The following ANKRD30BL variants were observed in gnomAD, a reference collection of about 807,000 sequenced individuals.
The protein encoded by ANKRD30BL is putative ankyrin repeat domain-containing protein 30B-like.
In ANKRD30BL, 20 loss-of-function variants were observed where a neutral mutation model predicts 18.4. The observed-to-expected ratio is 1.09, with a 90% CI of 0.77 to 1.58. ANKRD30BL has a LOEUF of 1.58. Among genes scored for constraint, ANKRD30BL ranks in the 40% most tolerant of loss-of-function variants. The pLI is 0.00. For synonymous variants in ANKRD30BL, 72 were observed against 100.9 expected, an observed-to-expected ratio of 0.71 and a Z score of 1.72; for missense variants, 224 against 268.6, an observed-to-expected ratio of 0.83 and a Z score of 1.16.
At chr2:132,200,013 C>T (rs957677935) in intron 1 of ANKRD30BL, among the ~76,000 whole-genome samples, 2 of 152,146 alleles carry the variant, frequency 1.3e-5, no homozygotes, top group African/African-American at 4.8e-5. Context: ...TCAATATACG[C>T]AAATCAATAA....
intron 1 of ANKRD30BL, among the ~76,000 whole-genome samples, chr2:132,227,412 C>G (rs1679876137): frequency 6.6e-6 from 1 of 152,054 alleles, no homozygotes. Flanking sequence ...TTCTCAGAAA[C>G]TTCTTTTTGA....
Position 132,206,320 on chromosome 2 carries a change from T to C in ANKRD30BL, n.442-49174A>G, listed in dbSNP as rs527845456. On this transcript the variant is annotated intron_variant and non_coding_transcript_variant, in intron 1 of 4. Transcript: ENST00000470729. Reference sequence around the variant, plus strand: ...ACACCACTGGATTTCAACTTTTGAGTGCTTAAGAAGGTGGAGATGTTGATT... The same window carrying C: ...ACACCACTGGATTTCAACTTTTGAGCGCTTAAGAAGGTGGAGATGTTGATT... 5.9e-5 allele frequency among the ~76,000 whole-genome samples: 9 copies of C among 152,234 alleles called. No individual in the cohort carries two copies. The South Asian group carries it at 1.9e-3, about 32-fold the overall frequency.
intron 1 of ANKRD30BL, among the ~76,000 whole-genome samples, chr2:132,207,509 C>T (rs554764356): frequency 6.6e-6 from 1 of 152,204 alleles, no homozygotes; most frequent in South Asian, 2.1e-4. Flanking sequence ...ACCATAAGGT[C>T]CTCCACGTGA....
intron 1 of ANKRD30BL, among the ~76,000 whole-genome samples, chr2:132,194,479 T>G (rs1678924725): frequency 6.6e-6 from 1 of 152,174 alleles, no homozygotes; most frequent in Admixed American, 6.5e-5. Flanking sequence ...ACATGGGGAT[T>G]GTATGTGAGG....
intron 1 of ANKRD30BL, among the ~76,000 whole-genome samples, chr2:132,234,377 A>C (rs1265883638): frequency 1.3e-5 from 2 of 152,122 alleles, no homozygotes; most frequent in South Asian, 2.1e-4. Context: ...AAAACCCTTC[A>C]AAAAATTAAT....
chr2:132,207,635 A>G (rs1295544380), intron 1 of ANKRD30BL, among the ~76,000 whole-genome samples: 2 of 152,158 alleles, frequency 1.3e-5, no homozygotes, highest in African/African-American at 4.8e-5. Context: ...ACATGATAGA[A>G]ATAGACTTTC....
At chr2:132,167,071 T>A (rs1573811501) in intron 1 of ANKRD30BL, among the ~76,000 whole-genome samples, 3 of 151,020 alleles carry the variant, frequency 2.0e-5, no homozygotes, top group Admixed American at 6.6e-5. Context: ...CTTCAAATAT[T>A]TGAAAAATTT....
chr2:132,225,422 A>C (rs1219357737), intron 1 of ANKRD30BL, among the ~76,000 whole-genome samples: 1 of 152,046 alleles, frequency 6.6e-6, no homozygotes, highest in African/African-American at 2.4e-5. Context: ...CAGTTTTGAA[A>C]CACTCTTTTA....
At chr2:132,192,289 C>G (rs4437016) in intron 1 of ANKRD30BL, among the ~76,000 whole-genome samples, 2 of 152,034 alleles carry the variant, frequency 1.3e-5, no homozygotes, top group South Asian at 2.1e-4. Context: ...CCATTGTGAA[C>G]AGCCCTGCAG....
intron 1 of ANKRD30BL, among the ~76,000 whole-genome samples, chr2:132,222,706 C>T (rs998828955): frequency 2.0e-5 from 3 of 151,736 alleles, no homozygotes; most frequent in East Asian, 2.0e-4. Flanking sequence ...TGCGGAAGGC[C>T]GCAGGGTCCT....
intron 1 of ANKRD30BL, among the ~76,000 whole-genome samples, chr2:132,224,527 T>A (rs775080272): frequency 1.3e-5 from 2 of 152,114 alleles, no homozygotes; most frequent in Non-Finnish European, 2.9e-5. Flanking sequence ...GATGTGTGCA[T>A]TCAACTCACA....
intron 1 of ANKRD30BL, among the ~76,000 whole-genome samples, chr2:132,231,605 C>T (rs956424392): frequency 3.9e-5 from 6 of 152,182 alleles, no homozygotes; most frequent in African/African-American, 1.4e-4. Flanking sequence ...CGGGTCACTC[C>T]CACCCGAATA....
chr2:132,256,452 G>A (rs954942865), intron 1 of ANKRD30BL, among the ~76,000 whole-genome samples: 3 of 152,236 alleles, frequency 2.0e-5, no homozygotes, highest in African/African-American at 4.8e-5. Flanking sequence ...CAGCCGCGAG[G>A]GACCGGCGGC....
Position 132,236,904 on chromosome 2 carries a change from A to G in ANKRD30BL, n.441+20625T>C, listed in dbSNP as rs1216604873. ...TGTCCAACAATGATAGACTGGATTA[A>G]GAAAATGTGGCACATATACACCATG... On this transcript the variant is annotated intron_variant and non_coding_transcript_variant, in intron 1 of 4. Transcript: ENST00000470729. 2.0e-5 allele frequency among the ~76,000 whole-genome samples: 3 copies of G among 151,932 alleles called. No homozygotes were observed. In the East Asian group the frequency reaches 5.8e-4, roughly 29 times the overall value.
intron 4 of ANKRD30BL, among the ~76,000 whole-genome samples, chr2:132,151,874 C>G (rs1198881376): frequency 6.6e-6 from 1 of 152,198 alleles, no homozygotes; most frequent in East Asian, 1.9e-4. Context: ...ATGTCAGCAT[C>G]TGGCTTGGAC....
At chr2:132,164,696 C>T (rs906203295), upstream of ANKRD30BL, among the ~76,000 whole-genome samples, 6 of 152,182 alleles carry the variant, frequency 3.9e-5, no homozygotes, top group African/African-American at 1.4e-4. Flanking sequence ...ATTCTGCATT[C>T]CATCTCAGGA....
At chr2:132,217,843 G>A (rs112724413) in intron 1 of ANKRD30BL, among the ~76,000 whole-genome samples, 1 of 152,292 alleles carries the variant, frequency 6.6e-6, no homozygotes, top group African/African-American at 2.4e-5. Flanking sequence ...AACTCACAGA[G>A]TTGAACCTTT....
chr2:132,186,643 T>C (rs576006691), intron 1 of ANKRD30BL, among the ~76,000 whole-genome samples: 61 of 152,324 alleles, frequency 4.0e-4, no homozygotes, highest in Admixed American at 2.0e-3. Context: ...AAATGTATAC[T>C]GTTATGTGTT....
chr2:132,201,992 G>C (rs1679108174), intron 1 of ANKRD30BL, among the ~76,000 whole-genome samples: 2 of 152,176 alleles, frequency 1.3e-5, no homozygotes, highest in Non-Finnish European at 2.9e-5. Flanking sequence ...GTCCTTTGTA[G>C]GGACATGGAT....
Sources: gnomAD v4.1 joint callset for allele counts (sites outside exome capture counted in the v4.1 genomes callset) on GRCh38, gnomAD v4.1.1 for gene constraint, MANE v1.5 for transcripts, NCBI Gene and HGNC (gene_info 2026-07-23, HGNC 2026-07-21) for gene names.